The following DIP2B variants were observed in gnomAD, a reference collection of about 807,000 sequenced individuals.
DIP2B encodes disco-interacting protein 2 homolog B.
DIP2B carries 76 observed loss-of-function variants against 198.0 expected under a neutral mutation model. The ratio of observed to expected loss-of-function variants is 0.38; its 90% CI spans 0.32 to 0.46. The LOEUF (loss-of-function observed/expected upper bound fraction) is 0.46, where lower values mean the gene tolerates loss of function less well. Among genes scored for constraint, DIP2B ranks in the 20% least tolerant of loss-of-function variants. The probability of loss-of-function intolerance (pLI) is 0.99; values close to 1 mark genes in which losing one functional copy is unlikely to be tolerated. For synonymous variants in DIP2B, 701 were observed against 739.1 expected (o/e 0.95, Z 0.84); for missense variants, 1,559 against 1,978.4 (o/e 0.79, Z 4.02).
intron 23 of DIP2B, among the ~76,000 whole-genome samples, chr12:50,716,418 C>T (rs745629786): frequency 2.0e-5 from 3 of 151,840 alleles, no homozygotes; most frequent in Non-Finnish European, 4.4e-5. Context: ...AGGAGAATGG[C>T]GTGAACCCGG....
intron 21 of DIP2B, among the ~76,000 whole-genome samples, chr12:50,707,344 A>G (rs975063680): frequency 5.9e-5 from 9 of 152,124 alleles, no homozygotes; most frequent in South Asian, 2.1e-4. Flanking sequence ...GTGGCTTCCT[A>G]TGAGATGTAA....
At position 50,607,635 on chromosome 12, in the gene DIP2B, C is replaced by T. The variant is rs1002034368; in HGVS notation, c.101-18341C>T. ...GTTTTTGTTCAAACACAGTCTTGCT[C>T]TGAAGTGTAATAGAATATAATCAGC... is the stretch of plus-strand genomic sequence containing the variant. On this transcript the variant is annotated intron_variant, in intron 1 of 37. Coordinates refer to ENST00000301180, the MANE Select transcript of DIP2B (RefSeq NM_173602.3). Among the ~76,000 whole-genome samples, 3 of 152,102 alleles carry T rather than the reference C, an allele frequency of 2.0e-5. No homozygotes were observed. In the East Asian group the frequency reaches 5.8e-4, roughly 29 times the overall value.
chr12:50,623,717 A>C (rs1252252027), intron 1 of DIP2B, among the ~76,000 whole-genome samples: 1 of 152,208 alleles, frequency 6.6e-6, no homozygotes, highest in African/African-American at 2.4e-5. Flanking sequence ...AATGTATTAC[A>C]TCTCCTGTGG....
chr12:50,703,765 C>T (rs562158165), intron 19 of DIP2B, among the ~76,000 whole-genome samples: 3 of 152,096 alleles, frequency 2.0e-5, no homozygotes, highest in Admixed American at 2.0e-4. Context: ...CTATGCTGTC[C>T]TGTCCCCCAT....
intron 3 of DIP2B, among the ~76,000 whole-genome samples, chr12:50,651,728 C>G (rs1368644871): frequency 6.6e-6 from 1 of 152,010 alleles, no homozygotes; most frequent in African/African-American, 2.4e-5. Flanking sequence ...AATACTGGAG[C>G]TTTGTAATCA....
intron 34 of DIP2B, among the ~76,000 whole-genome samples, 184 bp from the exon 35 acceptor site, chr12:50,736,852 G>A (rs901830972): frequency 6.6e-6 from 1 of 152,158 alleles, no homozygotes; most frequent in Non-Finnish European, 1.5e-5. Flanking sequence ...ACTGAGGAAG[G>A]TTCAGTGAGA....
chr12:50,686,842 C>T, intron 12 of DIP2B, 160 bp downstream of exon 12: 1 of 582,256 alleles, frequency 1.7e-6, no homozygotes, highest in East Asian at 2.9e-5. Context: ...TGTAGTGGAT[C>T]TTCTATCCTA....
intron 1 of DIP2B, among the ~76,000 whole-genome samples, chr12:50,571,898 A>G (rs1565828707): frequency 6.6e-6 from 1 of 152,142 alleles, no homozygotes; most frequent in Non-Finnish European, 1.5e-5. Context: ...ACTTTAACAT[A>G]CAGCCAGGCC....
chr12:50,660,348 A>G, intron 4 of DIP2B, 29 bp downstream of exon 4: 1 of 1,580,644 alleles, frequency 6.3e-7, no homozygotes, highest in Non-Finnish European at 8.6e-7. Context: ...TTTCTCTCTG[A>G]CAGTTAATAC....
intron 1 of DIP2B, among the ~76,000 whole-genome samples, chr12:50,544,624 CT>C (rs66562074): frequency 0.58 from 79,381 of 136,866 alleles, 22,721 homozygotes; most frequent in South Asian, 0.7. Flanking sequence ...CTTTCTTTTT[CT>C]TTTTTTTTTT....
intron 35 of DIP2B, among the ~76,000 whole-genome samples, chr12:50,739,202 T>C (rs577812886): frequency 1.5e-4 from 23 of 152,364 alleles, no homozygotes; most frequent in Admixed American, 5.2e-4. Context: ...CAACATTGTA[T>C]GAACTATGTT....
At chr12:50,740,343 C>G (rs1359587586) in intron 36 of DIP2B, among the ~76,000 whole-genome samples, 1 of 152,204 alleles carries the variant, frequency 6.6e-6, no homozygotes, top group Non-Finnish European at 1.5e-5. Flanking sequence ...GCCTGGTGCC[C>G]TGGTTTTGCA....
At chr12:50,508,589 G>A (rs1957987473) in intron 1 of DIP2B, among the ~76,000 whole-genome samples, 1 of 152,176 alleles carries the variant, frequency 6.6e-6, no homozygotes, top group South Asian at 2.1e-4. Context: ...TTTGTCTAAA[G>A]CTGCATACCT....
At chr12:50,636,781 G>C (rs936802019) in intron 2 of DIP2B, among the ~76,000 whole-genome samples, 2 of 152,146 alleles carry the variant, frequency 1.3e-5, no homozygotes, top group African/African-American at 2.4e-5. Flanking sequence ...GGCTCTTTTA[G>C]CCTCATGCAC....
intron 1 of DIP2B, among the ~76,000 whole-genome samples, chr12:50,621,444 A>G (rs1034998883): frequency 1.6e-4 from 2 of 12,874 alleles, no homozygotes; most frequent in African/African-American, 1.8e-4. Context: ...TCCCATTTCT[A>G]GTTTTCCACC....
chr12:50,710,422 T>G (rs1359044594), intron 22 of DIP2B, among the ~76,000 whole-genome samples: 1 of 151,560 alleles, frequency 6.6e-6, no homozygotes, highest in Non-Finnish European at 1.5e-5. Context: ...GATGACTGTT[T>G]TGTTTTGTTT....
Position 50,737,216 on chromosome 12 carries a change from G to T in DIP2B, c.4176+106G>T. On this transcript the variant is annotated intron_variant, in intron 35 of 37. Transcript: ENST00000301180. ...TGTGGATTTAGCTTTCCCCCGTTGT[G>T]AATGGAGTTAATTTTTTTCTGTAAG... 3.8e-6 allele frequency: 4 copies of T among 1,040,452 alleles called. No individual in the cohort carries two copies. The South Asian group carries it at 5.9e-5, about 15-fold the overall frequency. The allele number at this position is 1,040,452 out of a possible 1,614,324, so 64.5% of individuals were successfully genotyped here. A position where few individuals can be genotyped will look rare whatever the true frequency, so the allele number is the denominator to read the frequency against.
At chr12:50,639,281 G>T (rs1341243784) in intron 2 of DIP2B, among the ~76,000 whole-genome samples, 1 of 151,894 alleles carries the variant, frequency 6.6e-6, no homozygotes, top group Non-Finnish European at 1.5e-5. Flanking sequence ...GCTCTATATG[G>T]TTGCCAACTG....
At chr12:50,592,241 C>T (rs1348472417) in intron 1 of DIP2B, among the ~76,000 whole-genome samples, 1 of 152,102 alleles carries the variant, frequency 6.6e-6, no homozygotes, top group Non-Finnish European at 1.5e-5. Context: ...GTGACACCAT[C>T]GTAGCTCACT....
Sources: gnomAD v4.1 joint callset for allele counts (sites outside exome capture counted in the v4.1 genomes callset) on GRCh38, gnomAD v4.1.1 for gene constraint, MANE v1.5 for transcripts, NCBI Gene and HGNC (gene_info 2026-07-23, HGNC 2026-07-21) for gene names.